Variants in SRC observed in about 807,000 individuals in gnomAD.
SRC encodes the protein proto-oncogene tyrosine-protein kinase Src.
SRC carries 13 observed loss-of-function variants against 62.9 expected under a neutral mutation model. The ratio of observed to expected loss-of-function variants is 0.21; its 90% confidence interval spans 0.13 to 0.33. The LOEUF (loss-of-function observed/expected upper bound fraction) is 0.33, where lower values mean the gene tolerates loss of function less well. Ranked by LOEUF, SRC falls within the 10% of genes least tolerant of loss-of-function variation. The pLI, the probability that SRC is intolerant of heterozygous loss-of-function variation, is 1.00. For missense variants in SRC, 457 were observed against 737.3 expected, an observed-to-expected ratio of 0.62 and a Z score of 4.40; for synonymous variants, 302 against 317.5, an observed-to-expected ratio of 0.95 and a Z score of 0.52.
intron 2 of SRC, among the ~76,000 whole-genome samples, chr20:37,372,975 A>G (rs1049565402): frequency 1.3e-5 from 2 of 152,116 alleles, no homozygotes; most frequent in African/African-American, 4.8e-5. Context: ...TGCTTTCCCC[A>G]TTCAGAGATA....
At chr20:37,373,814 T>C (rs2070235181) in intron 2 of SRC, among the ~76,000 whole-genome samples, 1 of 152,236 alleles carries the variant, frequency 6.6e-6, no homozygotes, top group African/African-American at 2.4e-5. Context: ...TTCCCATATG[T>C]TTCAGGACAA....
intron 4 of SRC, among the ~76,000 whole-genome samples, chr20:37,385,169 G>GAGACACACACAAGACAC (rs11467123): frequency 0.25 from 38,601 of 152,076 alleles, 7,736 homozygotes; most frequent in African/African-American, 0.56. Flanking sequence ...AGCGCATTCA[G>GAGACACACACAAGACAC]AGACACACGC....
Position 37,402,906 on chromosome 20 carries a change from G to A in SRC, c.1402+26G>A, listed in dbSNP as rs753239469. The stretch of plus-strand genomic sequence containing the variant: ...GTAAGAAGGTCCTCATGGCCTGTCT[G>A]TGGTCCCTGAATCCCTCTGCCCTGG... On this transcript the variant is annotated intron_variant, in intron 13 of 13. Coordinates refer to ENST00000373578, the MANE Select transcript of SRC (RefSeq NM_198291.3). This position sits in a 1 kb window ranked among gnomAD's most constrained non-coding sequence, Gnocchi z 6.2. 6.2e-7 allele frequency: 1 copy of A among 1,606,534 alleles called. No homozygotes were observed. Among genetic ancestry groups the A allele is most frequent in the Non-Finnish European group, 8.5e-7 (1 of 1,176,446 alleles).
chr20:37,368,483 A>G (rs2070100197), intron 2 of SRC, among the ~76,000 whole-genome samples: 1 of 141,288 alleles, frequency 7.1e-6, no homozygotes, highest in Non-Finnish European at 1.5e-5. Flanking sequence ...AAAAGAAATC[A>G]TAATCCAAGG....
At chr20:37,360,218 C>T (rs1397842233) in intron 1 of SRC, among the ~76,000 whole-genome samples, 13 of 105,628 alleles carry the variant, frequency 1.2e-4, no homozygotes, top group African/African-American at 3.8e-4. Flanking sequence ...CTCTCTCTCT[C>T]TTTTTTTTTT....
rs541861972 is a variant in SRC at position 37,395,437 on chromosome 20, G to A, written c.554-725G>A. On this transcript the variant is annotated intron_variant, in intron 7 of 13. Coordinates refer to ENST00000373578, the MANE Select transcript of SRC (RefSeq NM_198291.3). ...CCTTGTTCCCTGATGCCATTTGGGC[G>A]TCTCTTGGCCTCTGGTCCTACCCAG... is the stretch of plus-strand genomic sequence containing the variant. Among the ~76,000 whole-genome samples the A allele has an allele frequency of 3.9e-4, 60 of 152,348 alleles. 1 individual carries two copies. Among genetic ancestry groups the A allele is most frequent in the Middle Eastern group, 3.4e-3 (1 of 294 alleles).
intron 5 of SRC, chr20:37,386,529 TG>T (rs2070458388): frequency 1.5e-6 from 1 of 688,624 alleles, no homozygotes; most frequent in Non-Finnish European, 2.7e-6. Context: ...TCGCGGGGGG[TG>T]GGGGCTGCTG....
intron 5 of SRC, among the ~76,000 whole-genome samples, chr20:37,393,067 C>T (rs1016013074): frequency 3.9e-5 from 6 of 152,144 alleles, no homozygotes; most frequent in Non-Finnish European, 7.4e-5. Context: ...CCGACCACGC[C>T]GGGAGCTCTT....
Position 37,396,327 on chromosome 20 carries a change from AGGGCGGAGGGCGGGC to A in SRC, c.703+21_703+35del. The A allele has an allele frequency of 6.2e-7, 1 of 1,600,760 alleles. No individual in the cohort carries two copies. Among genetic ancestry groups the A allele is most frequent in the Non-Finnish European group, 8.5e-7 (1 of 1,172,612 alleles). On this transcript the variant is annotated intron_variant, in intron 8 of 13. Transcript: ENST00000373578. The surrounding 1 kb of genome is among the most constrained non-coding windows in gnomAD (Gnocchi z 6.1). ...TACTACTCCAGTGAGCCAGCCTCGG[AGGGCGGAGGGCGGGC>A]GGGCAAAGCCTCAGCTGCAGACTCT...
intron 2 of SRC, among the ~76,000 whole-genome samples, chr20:37,369,331 T>A (rs2070126067): frequency 6.6e-6 from 1 of 152,196 alleles, no homozygotes; most frequent in African/African-American, 2.4e-5. Context: ...TCTTTCAAAA[T>A]TTTTTTGTAG....
At chr20:37,355,592 A>G (rs75589235) in intron 1 of SRC, among the ~76,000 whole-genome samples, 1,607 of 152,238 alleles carry the variant, frequency 0.011, 27 homozygotes, top group Non-Finnish European at 0.011. Flanking sequence ...TACTTGGGAC[A>G]TAGCTTATAT....
In SRC at chr20:37,396,978, ACT is replaced by A. The variant is rs554045853; in HGVS notation, c.703+672_703+673del. Among the ~76,000 whole-genome samples the A allele has an allele frequency of 9.7e-4, 146 of 151,048 alleles. No homozygotes were observed. The highest frequency in any genetic ancestry group is 5.2e-4 in the Non-Finnish European group (35 of 67,724). ...CTGACTTCCTCTGGGATCACCCGCC[ACT>A]CTCTGTCTCTTCGGCCACCGCTGTG... On this transcript the variant is annotated intron_variant, in intron 8 of 13. Transcript: ENST00000373578. This position sits in a 1 kb window ranked among gnomAD's most constrained non-coding sequence, Gnocchi z 6.1.
rs76208761 is a variant in SRC at position 37,354,136 on chromosome 20, C to T, written c.-247+7881C>T. ...AAATGGAGAGAAAGGAAATAGCATC[C>T]GCCAGGTCACAATGTGATGTCACAG... On this transcript the variant is annotated intron_variant, in intron 1 of 13. Coordinates refer to ENST00000373578, the MANE Select transcript of SRC (RefSeq NM_198291.3). Among the ~76,000 whole-genome samples, 416 of 152,318 alleles carry T rather than the reference C, an allele frequency of 2.7e-3. 4 individuals carry two copies. The highest frequency in any genetic ancestry group is 8.3e-3 in the African/African-American group (344 of 41,562).
intron 1 of SRC, among the ~76,000 whole-genome samples, chr20:37,354,692 G>C (rs984160789): frequency 2.0e-5 from 3 of 152,166 alleles, no homozygotes; most frequent in Admixed American, 6.5e-5. Context: ...AGTCCTCAAG[G>C]CTGGGCCTGG....
intron 1 of SRC, among the ~76,000 whole-genome samples, chr20:37,352,176 C>T (rs774168082): frequency 3.3e-5 from 5 of 152,166 alleles, no homozygotes; most frequent in Non-Finnish European, 7.3e-5. Flanking sequence ...ATGGGGATGA[C>T]GAGGCTGGCA....
Position 37,397,788 on chromosome 20 carries a change from A to T in SRC, c.793A>T (p.Ile265Phe). ...GGGCCTGGCCAAGGATGCCTGGGAG[A>T]TCCCTCGGGAGTCGCTGCGGCTGGA... ...TQGLAKDAWE[I>F]PRESLRLEVK... The change falls in exon 9 of 14, where the codon ATC becomes TTC. Residue 265 changes from isoleucine to phenylalanine, a missense_variant. Coordinates refer to ENST00000373578, the MANE Select transcript of SRC (RefSeq NM_198291.3). This position sits in a 1 kb window ranked among gnomAD's most constrained non-coding sequence, Gnocchi z 4.1. 6.2e-7 allele frequency: 1 copy of T among 1,612,496 alleles called. No homozygotes were observed. Among genetic ancestry groups the T allele is most frequent in the South Asian group, 1.1e-5 (1 of 90,918 alleles).
intron 5 of SRC, among the ~76,000 whole-genome samples, chr20:37,391,810 C>T (rs944490746): frequency 8.5e-5 from 13 of 152,132 alleles, no homozygotes; most frequent in Non-Finnish European, 1.3e-4. Flanking sequence ...GCCGAGATCG[C>T]GCTGTTGCAC....
chr20:37,383,671 C>G (rs1261797693), intron 3 of SRC: 1 of 161,682 alleles, frequency 6.2e-6, no homozygotes. Flanking sequence ...ATGAAGACAT[C>G]GAGGTTTTGA....
In SRC at chr20:37,397,630, A is replaced by T; in HGVS notation, c.704-69A>T. ...GTGTGCATCTGGCATGTAGGGCGAC[A>T]CACACTGAGGGGCAGGGAGGCCCCA... On this transcript the variant is annotated intron_variant, in intron 8 of 13. Transcript: ENST00000373578. The surrounding 1 kb of genome is among the most constrained non-coding windows in gnomAD (Gnocchi z 4.1). 1 of 1,470,398 alleles carries T rather than the reference A, an allele frequency of 6.8e-7. No individual in the cohort carries two copies. The highest frequency in any genetic ancestry group is 1.4e-5 in the South Asian group (1 of 70,760). The allele number at this position is 1,470,398 out of a possible 1,614,324, so 91.1% of individuals were successfully genotyped here. A position where few individuals can be genotyped will look rare whatever the true frequency, so the allele number is the denominator to read the frequency against.
Sources: gnomAD v4.1 joint callset for allele counts (sites outside exome capture counted in the v4.1 genomes callset) on GRCh38, gnomAD v4.1.1 for gene constraint, Gnocchi (gnomAD v3.1) non-coding constraint, MANE v1.5 for transcripts, NCBI Gene and HGNC (gene_info 2026-07-23, HGNC 2026-07-21) for gene names.